The following ADK variants were observed in gnomAD, a reference collection of about 807,000 sequenced individuals.
ADK encodes adenosine kinase.
In ADK, 24 loss-of-function variants were observed where a neutral mutation model predicts 44.7. The observed-to-expected ratio is 0.54, with a 90% CI of 0.39 to 0.76. ADK has a LOEUF of 0.76. Ranked by LOEUF, ADK falls within the 30% of genes least tolerant of loss-of-function variation. The pLI is 0.00. For synonymous variants in ADK, 128 were observed against 142.6 expected (o/e 0.90, Z 0.73); for missense variants, 321 against 425.1 (o/e 0.76, Z 2.15).
chr10:74,458,961 A>T (rs1305719811), intron 6 of ADK, among the ~76,000 whole-genome samples: 1 of 152,110 alleles, frequency 6.6e-6, no homozygotes, highest in Admixed American at 6.5e-5. Context: ...GTGAAAAGCA[A>T]TTTTTCCTAA....
chr10:74,397,025 G>C (rs1487245715), intron 5 of ADK, among the ~76,000 whole-genome samples: 1 of 151,788 alleles, frequency 6.6e-6, no homozygotes, highest in African/African-American at 2.4e-5. Flanking sequence ...TCAAAAAGTA[G>C]TTTTATTATC....
intron 8 of ADK, among the ~76,000 whole-genome samples, chr10:74,598,618 T>C (rs980052698): frequency 1.3e-5 from 2 of 151,822 alleles, no homozygotes; most frequent in African/African-American, 2.4e-5. Context: ...GCCCAACTAA[T>C]TTTTGTATTT....
intron 9 of ADK, among the ~76,000 whole-genome samples, chr10:74,661,875 A>G (rs1399887025): frequency 6.6e-6 from 1 of 152,176 alleles, no homozygotes; most frequent in Non-Finnish European, 1.5e-5. Flanking sequence ...CTTTCCATCT[A>G]GATTCTAAGC....
At chr10:74,539,529 A>C (rs1445325449) in intron 7 of ADK, among the ~76,000 whole-genome samples, 3 of 152,110 alleles carry the variant, frequency 2.0e-5, no homozygotes, top group Admixed American at 6.6e-5. Flanking sequence ...GTTTCTTCCT[A>C]AGAGAGGTGG....
At chr10:74,524,574 G>T (rs757463245) in intron 6 of ADK, among the ~76,000 whole-genome samples, 1 of 152,100 alleles carries the variant, frequency 6.6e-6, no homozygotes, top group Admixed American at 6.5e-5. Flanking sequence ...TGAAATTTTT[G>T]TAGAGACAGA....
chr10:74,203,176 A>T (rs190463411), intron 2 of ADK, among the ~76,000 whole-genome samples: 2 of 152,214 alleles, frequency 1.3e-5, no homozygotes, highest in African/African-American at 4.8e-5. Context: ...TGGAAATCCA[A>T]TTGTCTCAAC....
chr10:74,246,171 A>T (rs1295291612), intron 3 of ADK, among the ~76,000 whole-genome samples: 1 of 152,168 alleles, frequency 6.6e-6, no homozygotes, highest in Non-Finnish European at 1.5e-5. Context: ...TGAGGGCAGA[A>T]CTATATTCAA....
At chr10:74,434,233 A>G (rs1845105408) in intron 6 of ADK, among the ~76,000 whole-genome samples, 1 of 152,166 alleles carries the variant, frequency 6.6e-6, no homozygotes, top group Non-Finnish European at 1.5e-5. Flanking sequence ...TGGTTATGAA[A>G]GATAGGAGGT....
chr10:74,612,860 C>T (rs1222311177), intron 9 of ADK, among the ~76,000 whole-genome samples: 1 of 151,966 alleles, frequency 6.6e-6, no homozygotes, highest in South Asian at 2.1e-4. Context: ...GCCAGTTTTC[C>T]CAATATCATT....
At chr10:74,302,105 G>GTTTTT (rs1840065150) in intron 3 of ADK, among the ~76,000 whole-genome samples, 5 of 88,910 alleles carry the variant, frequency 5.6e-5, no homozygotes, top group East Asian at 4.0e-4. Flanking sequence ...TTTTTTGTTT[G>GTTTTT]TTTGTTTTTT....
intron 1 of ADK, among the ~76,000 whole-genome samples, chr10:74,163,778 A>G (rs889996057): frequency 3.3e-5 from 5 of 152,260 alleles, no homozygotes; most frequent in African/African-American, 1.2e-4. Context: ...TTGAAATACA[A>G]GAAAATTATT....
intron 3 of ADK, among the ~76,000 whole-genome samples, chr10:74,247,777 C>T (rs1035759633): frequency 6.6e-6 from 1 of 152,056 alleles, no homozygotes; most frequent in African/African-American, 2.4e-5. Context: ...ATGTTGAGGG[C>T]AAAGAAATAG....
chr10:74,452,385 A>G (rs1845808663), intron 6 of ADK, among the ~76,000 whole-genome samples: 1 of 151,970 alleles, frequency 6.6e-6, no homozygotes, highest in Admixed American at 6.6e-5. Context: ...TCTGTCTCTA[A>G]TTGATTGACA....
rs535085101 is a variant in ADK at position 74,215,946 on chromosome 10, G to A, written c.141-8592G>A. Among the ~76,000 whole-genome samples, 99 of 152,138 alleles carry A rather than the reference G, an allele frequency of 6.5e-4. 2 individuals are homozygous for A. Among genetic ancestry groups the A allele is most frequent in the African/African-American group, 2.3e-3 (95 of 41,502 alleles). ...GCTGGGATTACAGGCGTGAGCCACC[G>A]CGCCTGGCCTAAATCACTCTTTTTA... On this transcript the variant is annotated intron_variant, in intron 2 of 10. Transcript: ENST00000539909.
chr10:74,281,857 A>G (rs2132447182), intron 3 of ADK, among the ~76,000 whole-genome samples: 1 of 152,260 alleles, frequency 6.6e-6, no homozygotes, highest in African/African-American at 2.4e-5. Context: ...CATAACTTTT[A>G]TGGACCTGAC....
Position 74,482,253 on chromosome 10 carries a change from A to G in ADK, c.556-43003A>G, listed in dbSNP as rs181782717. On this transcript the variant is annotated intron_variant, in intron 6 of 10. Coordinates refer to ENST00000539909, the MANE Select transcript of ADK (RefSeq NM_006721.4). ...AATCATGGCAGAAGGGGAAGCAGGC[A>G]CATCTTACATGGCTGGAGCAGAAGG... Among the ~76,000 whole-genome samples, 325 of 152,298 alleles carry G rather than the reference A, an allele frequency of 2.1e-3. 1 individual carries two copies. The highest frequency in any genetic ancestry group is 7.2e-3 in the African/African-American group (300 of 41,572).
At chr10:74,565,242 A>G (rs961746865) in intron 7 of ADK, among the ~76,000 whole-genome samples, 1 of 152,214 alleles carries the variant, frequency 6.6e-6, no homozygotes, top group Non-Finnish European at 1.5e-5. Flanking sequence ...AATTCAGCCA[A>G]GCTCTAGTAG....
In ADK at chr10:74,312,123, G is replaced by T. The variant is rs893707894; in HGVS notation, c.195-2544G>T. ...AGAGGCTGCAGTGAGCCGAGATCGC[G>T]CCAGTGCACTCCAGCCTGGCAACAG... is the stretch of plus-strand genomic sequence containing the variant. On this transcript the variant is annotated intron_variant, in intron 3 of 10. Coordinates refer to ENST00000539909, the MANE Select transcript of ADK (RefSeq NM_006721.4). 1.7e-4 allele frequency among the ~76,000 whole-genome samples: 26 copies of T among 152,142 alleles called. 1 individual carries two copies.
intron 6 of ADK, among the ~76,000 whole-genome samples, chr10:74,404,317 C>T (rs1052492351): frequency 5.9e-5 from 9 of 151,964 alleles, no homozygotes; most frequent in Non-Finnish European, 1.0e-4. Flanking sequence ...TTTTAAAAGA[C>T]TTAATAAGAA....
Sources: allele counts gnomAD v4.1 joint callset (sites outside exome capture counted in the v4.1 genomes callset), GRCh38; gene constraint gnomAD v4.1.1; transcripts MANE v1.5; gene names NCBI Gene and HGNC (gene_info 2026-07-23, HGNC 2026-07-21).